Variants in NVL observed in about 807,000 individuals in gnomAD.
NVL encodes the protein nuclear VCP like, also known as nuclear valosin-containing protein-like.
Under a neutral mutation model 110.2 loss-of-function variants are expected in NVL, and 84 were observed. That is an observed-to-expected ratio of 0.76 (90% CI 0.64 to 0.91). NVL has a LOEUF of 0.91. Ranked by LOEUF, NVL falls within the 40% of genes least tolerant of loss-of-function variation. The probability of loss-of-function intolerance (pLI) is 0.00; values close to 1 mark genes in which losing one functional copy is unlikely to be tolerated. For synonymous variants in NVL, 354 were observed against 361.1 expected (o/e 0.98, Z 0.22); for missense variants, 882 against 1,035.9 (o/e 0.85, Z 2.04).
Position 224,330,134 on chromosome 1 carries a change from G to A in NVL, c.-7C>T, listed in dbSNP as rs766506459. On this transcript the variant is annotated 5_prime_UTR_variant, in exon 1 of 23. Transcript: ENST00000281701. ...CTGCAGGTCTGGGCTTCATCGCGTC[G>A]GTCTTCCAAGCCACAGCTCGGACCG... 7 of 1,613,750 alleles carry A rather than the reference G, an allele frequency of 4.3e-6. No individual in the cohort carries two copies. The Admixed American group carries it at 8.3e-5, about 19-fold the overall frequency.
chr1:224,291,848 T>A (rs1667412198), intron 12 of NVL, among the ~76,000 whole-genome samples: 1 of 152,198 alleles, frequency 6.6e-6, no homozygotes, highest in South Asian at 2.1e-4. Flanking sequence ...ATCGCCCTTT[T>A]CATAGTTGTA....
chr1:224,259,940 G>A (rs1040196498), intron 18 of NVL, among the ~76,000 whole-genome samples: 4 of 152,062 alleles, frequency 2.6e-5, no homozygotes, highest in African/African-American at 9.7e-5. Flanking sequence ...AAAGCGCTGG[G>A]ATTACAGGCA....
chr1:224,268,847 G>A (rs1664759351), intron 17 of NVL, among the ~76,000 whole-genome samples: 1 of 151,178 alleles, frequency 6.6e-6, no homozygotes, highest in South Asian at 2.1e-4. Flanking sequence ...CAGTAGAGAT[G>A]CGGTTTCACC....
intron 8 of NVL, among the ~76,000 whole-genome samples, chr1:224,304,325 T>A (rs1668706197): frequency 6.6e-6 from 1 of 152,136 alleles, no homozygotes; most frequent in Non-Finnish European, 1.5e-5. Flanking sequence ...CTCGGGTGGC[T>A]GAGGCAGAAG....
At chr1:224,255,192 T>TG (rs559432242) in intron 18 of NVL, among the ~76,000 whole-genome samples, 32 of 135,886 alleles carry the variant, frequency 2.4e-4, no homozygotes, top group South Asian at 7.7e-4. Context: ...GTTTTTTTTT[T>TG]TTTTTTTTTT....
chr1:224,229,034 G>T (rs2102683458), intron 22 of NVL, among the ~76,000 whole-genome samples: 1 of 151,520 alleles, frequency 6.6e-6, no homozygotes, highest in East Asian at 2.0e-4. Context: ...GGTGGCTCAG[G>T]CCTGTAACCC....
intron 20 of NVL, among the ~76,000 whole-genome samples, chr1:224,235,488 G>A (rs1571765429): frequency 6.6e-6 from 1 of 152,122 alleles, no homozygotes; most frequent in South Asian, 2.1e-4. Context: ...ATAAAGACTC[G>A]TATGGATTTG....
rs1571732325 is a variant in NVL, at chr1:224,227,550, G to C, written c.*76C>G. On this transcript the variant is annotated 3_prime_UTR_variant, in exon 23 of 23. Coordinates refer to ENST00000281701, the MANE Select transcript of NVL (RefSeq NM_002533.4). The stretch of plus-strand genomic sequence containing the variant: ...AGGCCGCGCCTGTGTCCAGCTGAAA[G>C]TGGGTCCTTCAGAGCGTGTGGGGGA... 2.2e-6 allele frequency: 3 copies of C among 1,348,790 alleles called. No homozygotes were observed. Among genetic ancestry groups the C allele is most frequent in the Non-Finnish European group, 3.1e-6 (3 of 965,070 alleles). 83.6% of individuals were successfully genotyped at this position (1,348,790 alleles called of 1,614,324 possible).
intron 18 of NVL, among the ~76,000 whole-genome samples, chr1:224,251,970 T>C (rs1261888548): frequency 6.6e-6 from 1 of 152,196 alleles, no homozygotes; most frequent in Non-Finnish European, 1.5e-5. Context: ...TTCTCTCAAA[T>C]TCCGCTCCCA....
intron 18 of NVL, among the ~76,000 whole-genome samples, chr1:224,253,620 C>G (rs762390413): frequency 7.3e-5 from 11 of 149,860 alleles, no homozygotes; most frequent in African/African-American, 2.0e-4. Context: ...GTAATCTCAG[C>G]TATTCAGGAG....
chr1:224,257,201 A>T (rs746884374), intron 18 of NVL: 3 of 468,570 alleles, frequency 6.4e-6, no homozygotes, highest in Non-Finnish European at 1.3e-5. Context: ...GAGAAAGTGC[A>T]TTCACTCACA....
chr1:224,250,250 G>A lies in NVL; in HGVS notation c.2251C>T (p.Pro751Ser). The A allele has an allele frequency of 6.2e-7, 1 of 1,610,130 alleles. No individual in the cohort carries two copies. Among genetic ancestry groups the A allele is most frequent in the South Asian group, 1.1e-5 (1 of 90,466 alleles). Residue 751 changes from proline to serine, a missense_variant, in exon 19 of 23, where the codon CCT becomes TCT. Coordinates refer to ENST00000281701, the MANE Select transcript of NVL (RefSeq NM_002533.4). ...TTTAAGATGGCAAGGCGATCTGCAGGGGGCGGTAAACCCACAAACAGTGTT... is the reference window on the plus strand; with the variant it reads ...TTTAAGATGGCAAGGCGATCTGCAGAGGGCGGTAAACCCACAAACAGTGTT... ...DKTLFVGLPPPADRLAILKTI... is the reference protein window; with the variant it reads ...DKTLFVGLPPSADRLAILKTI...
At chr1:224,300,145 G>A (rs550374544) in intron 10 of NVL, among the ~76,000 whole-genome samples, 9 of 152,270 alleles carry the variant, frequency 5.9e-5, no homozygotes, top group African/African-American at 2.2e-4. Flanking sequence ...TACTAGTAAG[G>A]AATGACAGAA....
At chr1:224,238,427 G>C (rs542910345) in intron 19 of NVL, among the ~76,000 whole-genome samples, 3 of 152,188 alleles carry the variant, frequency 2.0e-5, no homozygotes, top group Non-Finnish European at 2.9e-5. Context: ...TGCCGGCCTT[G>C]TGCACTAGTT....
At chr1:224,259,523 T>C (rs1030612378) in intron 18 of NVL, among the ~76,000 whole-genome samples, 1 of 152,176 alleles carries the variant, frequency 6.6e-6, no homozygotes, top group Non-Finnish European at 1.5e-5. Context: ...TAAAGCTTTT[T>C]AAAAAAATGA....
intron 17 of NVL, among the ~76,000 whole-genome samples, chr1:224,270,292 C>T (rs962870912): frequency 1.3e-5 from 2 of 152,180 alleles, no homozygotes; most frequent in Non-Finnish European, 2.9e-5. Flanking sequence ...CATTGTGGCT[C>T]ACACCTGTAA....
intron 6 of NVL, among the ~76,000 whole-genome samples, chr1:224,307,081 G>A (rs1668995506): frequency 6.6e-6 from 1 of 152,000 alleles, no homozygotes. Context: ...ACTTAACCCA[G>A]TATATCCAAA....
chr1:224,245,465 G>A (rs12135557), intron 19 of NVL, among the ~76,000 whole-genome samples: 19,899 of 152,242 alleles, frequency 0.13, 1,597 homozygotes, highest in East Asian at 0.36. Flanking sequence ...ACAGGGCACA[G>A]GGAGGCTGCA....
chr1:224,228,269 C>T (rs908463980), intron 22 of NVL, among the ~76,000 whole-genome samples: 4 of 152,108 alleles, frequency 2.6e-5, no homozygotes, highest in African/African-American at 9.7e-5. Context: ...TTCTAAACTA[C>T]ACTGAATCCA....
Sources: allele counts gnomAD v4.1 joint callset (sites outside exome capture counted in the v4.1 genomes callset), GRCh38; gene constraint gnomAD v4.1.1; transcripts MANE v1.5; gene names NCBI Gene and HGNC (gene_info 2026-07-23, HGNC 2026-07-21).